The following AP1S2 variants were observed in gnomAD, a reference collection of about 807,000 sequenced individuals.
The protein encoded by AP1S2 is adaptor related protein complex 1 subunit sigma 2, also known as AP-1 complex subunit sigma-2.
In AP1S2, 1 loss-of-function variant was observed where a neutral mutation model predicts 14.3. The observed-to-expected ratio is 0.07, with a 90% CI of 0.02 to 0.33. The LOEUF (loss-of-function observed/expected upper bound fraction) is 0.33. Among genes scored for constraint, AP1S2 ranks in the 10% least tolerant of loss-of-function variants. AP1S2 has a pLI of 0.99. For missense variants in AP1S2, 30 were observed against 117.7 expected (o/e 0.25, Z 3.45); for synonymous variants, 30 against 40.5 (o/e 0.74, Z 0.99).
intron 4 of AP1S2, among the ~76,000 whole-genome samples, chrX:15,839,995 T>C (rs1035855494): frequency 2.7e-5 from 3 of 111,798 alleles, no homozygotes; most frequent in African/African-American, 6.5e-5. Flanking sequence ...CACAAAAATA[T>C]AGCATAGTAC....
intron 5 of AP1S2, 148 bp downstream of exon 5, chrX:15,828,044 A>T (rs1933316192): frequency 2.7e-6 from 1 of 371,540 alleles, no homozygotes; most frequent in Non-Finnish European, 4.5e-6. Context: ...TAATTTTCCA[A>T]AGTGGCTGAT....
Position 15,840,468 on chromosome X carries a change from G to T in AP1S2, c.426+4911C>A, listed in dbSNP as rs760915867. On this transcript the variant is annotated intron_variant, in intron 4 of 5. Coordinates refer to ENST00000672987, the MANE Select transcript of AP1S2 (RefSeq NM_001272071.2). ...TTGCATAGCACTCCATTTTATCCAT[G>T]CCACAAAAATGGTAAATTTAGTAGT... The T allele has an allele frequency of 2.0e-5, 17 of 831,508 alleles. No homozygotes were observed. The East Asian group carries it at 9.7e-4, about 47-fold the overall frequency. 68.5% of individuals were successfully genotyped at this position (831,508 alleles called of 1,213,427 possible). A position where few individuals can be genotyped will look rare whatever the true frequency, so the allele number is the denominator to read the frequency against.
At chrX:15,854,564 G>T in intron 1 of AP1S2, 124 bp downstream of exon 1, 1 of 189,504 alleles carries the variant, frequency 5.3e-6, no homozygotes, top group Non-Finnish European at 8.1e-6. Context: ...CGGCGACCCA[G>T]TGGCGGGCCG....
At chrX:15,854,358 C>T (rs766141545) in intron 1 of AP1S2, among the ~76,000 whole-genome samples, 1 of 112,404 alleles carries the variant, frequency 8.9e-6, no homozygotes, top group East Asian at 2.8e-4. Flanking sequence ...CATCCGCCGC[C>T]GCGCAGGGGG....
At position 15,837,864 on chromosome X, in the gene AP1S2, C is replaced by T. The variant is rs1192827007; in HGVS notation, c.426+7515G>A. ...TTGTGATCCACCCACCTCGGCCTCC[C>T]AAAGTGCTGGGATTACAGGCGTGAG... On this transcript the variant is annotated intron_variant, in intron 4 of 5. Transcript: ENST00000672987. Among the ~76,000 whole-genome samples the T allele has an allele frequency of 5.4e-5, 6 of 110,725 alleles. No homozygotes were observed. The Admixed American group carries it at 5.7e-4, about 11-fold the overall frequency.
chrX:15,834,481 A>ATATATATT (rs1569080380), intron 4 of AP1S2, among the ~76,000 whole-genome samples: 2 of 13,002 alleles, frequency 1.5e-4, no homozygotes, highest in African/African-American at 4.1e-4. Flanking sequence ...TATATATATA[A>ATATATATT]TTTTTTTTTT....
At position 15,832,216 on chromosome X, in the gene AP1S2, T is replaced by C. The variant is rs1234978006; in HGVS notation, c.427-4016A>G. On this transcript the variant is annotated intron_variant, in intron 4 of 5. Coordinates refer to ENST00000672987, the MANE Select transcript of AP1S2 (RefSeq NM_001272071.2). ...GAGTTCCCTGAAATTAGAAACAAAA[T>C]GATGTGCAAATTTTCCTGGGGTGAC... 13 of 712,971 alleles carry C rather than the reference T, an allele frequency of 1.8e-5. No individual in the cohort carries two copies. In the East Asian group the frequency reaches 1.7e-3, roughly 94 times the overall value. The allele number at this position is 712,971 out of a possible 1,213,427, so 58.8% of individuals were successfully genotyped here.
rs1218993679 is a variant in AP1S2 at position 15,826,452 on chromosome X, G to A, written c.*873C>T. ...AAATTTAGCTTTAACAAGTACCCCA[G>A]AGGGAACATTCGTGCTTTAAACAAT... On this transcript the variant is annotated 3_prime_UTR_variant, in exon 6 of 6. Coordinates refer to ENST00000672987, the MANE Select transcript of AP1S2 (RefSeq NM_001272071.2). 6 of 112,133 alleles carry A rather than the reference G, an allele frequency of 5.4e-5. No homozygotes were observed. The highest frequency in any genetic ancestry group is 1.9e-4 in the African/African-American group (6 of 30,870). 9.2% of individuals were successfully genotyped at this position (112,133 alleles called of 1,213,427 possible). A position where few individuals can be genotyped will look rare whatever the true frequency, so the allele number is the denominator to read the frequency against.
At chrX:15,841,617 C>T (rs1422368884) in intron 4 of AP1S2, among the ~76,000 whole-genome samples, 1 of 111,784 alleles carries the variant, frequency 8.9e-6, no homozygotes, top group Admixed American at 9.5e-5. Flanking sequence ...ATCAATCCAA[C>T]AAGAAATAGG....
intron 1 of AP1S2, 149 bp from the exon 2 acceptor site, chrX:15,852,673 C>G: frequency 3.0e-6 from 2 of 669,233 alleles, no homozygotes; most frequent in East Asian, 6.8e-5. Context: ...ATTAAAATAG[C>G]AAGAAATTCT....
chrX:15,853,060 C>T (rs1934226078), intron 1 of AP1S2, among the ~76,000 whole-genome samples: 1 of 111,659 alleles, frequency 9.0e-6, no homozygotes, highest in African/African-American at 3.3e-5. Flanking sequence ...CAGAATGATC[C>T]AAAATATTAA....
intron 3 of AP1S2, among the ~76,000 whole-genome samples, 155 bp from the exon 4 acceptor site, chrX:15,845,671 G>C (rs1933978569): frequency 9.0e-6 from 1 of 111,491 alleles, no homozygotes; most frequent in African/African-American, 3.3e-5. Context: ...ACTGGTTTAA[G>C]TAAGCTTAAT....
intron 4 of AP1S2, chrX:15,831,391 A>G: frequency 1.4e-6 from 1 of 729,415 alleles, no homozygotes; most frequent in Non-Finnish European, 1.6e-6. Context: ...GGAAAAAAAT[A>G]CAATCATAAA....
chrX:15,854,078 T>C (rs184906886), intron 1 of AP1S2, among the ~76,000 whole-genome samples: 1 of 112,529 alleles, frequency 8.9e-6, no homozygotes, highest in Admixed American at 9.3e-5. Context: ...AAATAAATTA[T>C]GTCCTAACAT....
chrX:15,834,439 A>AATATATATATATATATATATAT (rs1161066866), intron 4 of AP1S2, among the ~76,000 whole-genome samples: 7 of 25,124 alleles, frequency 2.8e-4, no homozygotes, highest in Non-Finnish European at 3.6e-4. Context: ...TCCCTTCCAA[A>AATATATATATATATATATATAT]ATATATATAT....
intron 4 of AP1S2, chrX:15,833,656 C>T (rs181444695): frequency 4.2e-6 from 1 of 235,898 alleles, no homozygotes; most frequent in African/African-American, 3.0e-5. Flanking sequence ...GACCACTTAA[C>T]ATTTAAGGTA....
chrX:15,853,728 G>A (rs972442871), intron 1 of AP1S2, among the ~76,000 whole-genome samples: 5 of 112,003 alleles, frequency 4.5e-5, no homozygotes, highest in African/African-American at 1.6e-4. Context: ...GTATGACGTG[G>A]CAATTCAACT....
chrX:15,827,393 A>ACT, intron 5 of AP1S2, 21 bp from the exon 6 acceptor site: 1 of 1,181,866 alleles, frequency 8.5e-7, no homozygotes, highest in Non-Finnish European at 1.2e-6. Context: ...AAAATGTGAG[A>ACT]CTCTGGTAAG....
intron 1 of AP1S2, among the ~76,000 whole-genome samples, chrX:15,854,376 A>G (rs1934270923): frequency 8.9e-6 from 1 of 112,436 alleles, no homozygotes; most frequent in Non-Finnish European, 1.9e-5. Flanking sequence ...GGGCGCCAAG[A>G]GTCCTCGGCC....
Sources: allele counts gnomAD v4.1 joint callset (sites outside exome capture counted in the v4.1 genomes callset), GRCh38; gene constraint gnomAD v4.1.1; transcripts MANE v1.5; gene names NCBI Gene and HGNC (gene_info 2026-07-23, HGNC 2026-07-21).